MROH7: variants seen among roughly 807,000 people sequenced by gnomAD.
The protein encoded by MROH7 is maestro heat-like repeat-containing protein family member 7.
In MROH7, 113 loss-of-function variants were observed where a neutral mutation model predicts 129.2. The ratio of observed to expected loss-of-function variants is 0.87; its 90% CI spans 0.75 to 1.02. MROH7 has a LOEUF of 1.02. Ranked by LOEUF, MROH7 falls within the 50% of genes least tolerant of loss-of-function variation. The pLI is 0.00. For missense variants in MROH7, 1,601 were observed against 1,671.3 expected (o/e 0.96, Z 0.73); for synonymous variants, 655 against 667.9 (o/e 0.98, Z 0.30).
intron 1 of MROH7, chr1:54,651,546 A>T (rs1039819782): frequency 1.3e-5 from 2 of 152,370 alleles, no homozygotes; most frequent in Non-Finnish European, 2.9e-5. Flanking sequence ...CAAGGGTGGA[A>T]CGGAAAAGGA....
rs372811123 is a variant in MROH7, at chr1:54,702,151, G to A, written c.3347G>A (p.Arg1116Gln). 7.4e-6 allele frequency: 12 copies of A among 1,610,970 alleles called. No individual in the cohort carries two copies. Among genetic ancestry groups the A allele is most frequent in the African/African-American group, 5.4e-5 (4 of 74,692 alleles). Residue 1116 changes from arginine to glutamine, a missense_variant, in exon 20 of 24, where the codon CGG (arginine) becomes CAG (glutamine). Physicochemically the swap from Arg to Gln is conservative, Grantham distance 43 (BLOSUM62 1). Transcript: ENST00000421030. ...TATGGGAAGGTGGTCCAGAAGCTTC[G>A]GGCACCACGCACTCAGGCCATGGAG... ...NLYGKVVQKL[R>Q]APRTQAMEEQ...
intron 15 of MROH7, among the ~76,000 whole-genome samples, chr1:54,692,203 A>C (rs376157041): frequency 6.6e-6 from 1 of 152,206 alleles, no homozygotes; most frequent in Non-Finnish European, 1.5e-5. Context: ...GTAAAAGCAC[A>C]GCCTTCATAG....
At chr1:54,672,134 C>T (rs1644912032) in intron 7 of MROH7, among the ~76,000 whole-genome samples, 1 of 152,034 alleles carries the variant, frequency 6.6e-6, no homozygotes, top group African/African-American at 2.4e-5. Context: ...AGGTGGTGCC[C>T]TTGGAGAAGA....
chr1:54,654,059 G>A lies in MROH7; in HGVS notation c.1133G>A (p.Ser378Asn). 6.2e-7 allele frequency: 1 copy of A among 1,614,214 alleles called. No homozygotes were observed. The highest frequency in any genetic ancestry group is 8.5e-7 in the Non-Finnish European group (1 of 1,180,020). ...VPLEENLESW[S>N]EMASIKVGQF... ...CTGGAGGAGAATCTGGAGAGTTGGA[G>A]TGAGATGGCCAGCATTAAGGTGGGC... The change falls in exon 3 of 24, where the codon AGT (serine) becomes AAT (asparagine). Residue 378 changes from serine to asparagine, a missense_variant. Physicochemically the swap from Ser to Asn is conservative, Grantham distance 46. Transcript: ENST00000421030.
In MROH7 at chr1:54,701,169, C is replaced by G. The variant is rs1065173; in HGVS notation, c.3132C>G (p.Pro1044=). The part of the protein sequence containing the change: ...EKTAKVKALL[P]SMVKGLKNMD... Reference sequence around the variant, plus strand: ...CCGCCAAGGTGAAGGCCCTCCTGCCCTCCATGGTGAAGGGCCTGAAGAACA... The same window carrying G: ...CCGCCAAGGTGAAGGCCCTCCTGCCGTCCATGGTGAAGGGCCTGAAGAACA... Residue 1044 remains proline (P), a synonymous_variant, in exon 19 of 24, where the codon CCC becomes CCG. Coordinates refer to ENST00000421030, the MANE Select transcript of MROH7 (RefSeq NM_001039464.4). The G allele has an allele frequency of 2.5e-6, 4 of 1,613,706 alleles. No individual in the cohort carries two copies. The African/African-American group carries it at 4.0e-5, about 16-fold the overall frequency.
At chr1:54,668,733 C>T (rs1644850494) in intron 4 of MROH7, 121 bp from the exon 5 acceptor site, 1 of 698,028 alleles carries the variant, frequency 1.4e-6, no homozygotes, top group East Asian at 2.6e-5. Flanking sequence ...TCTCATTTCT[C>T]TTGCACCAAT....
chr1:54,688,355 A>G (rs1159213574), intron 15 of MROH7, among the ~76,000 whole-genome samples: 1 of 151,966 alleles, frequency 6.6e-6, no homozygotes, highest in African/African-American at 2.4e-5. Flanking sequence ...TATAGGTGTA[A>G]GCCACCATGT....
intron 14 of MROH7, among the ~76,000 whole-genome samples, chr1:54,683,420 A>C (rs1214921596): frequency 2.0e-5 from 3 of 152,220 alleles, no homozygotes; most frequent in Non-Finnish European, 4.4e-5. Flanking sequence ...GCTGGGCTGA[A>C]GAGACGGATT....
chr1:54,668,722 C>A (rs1046602142), intron 4 of MROH7, 132 bp from the exon 5 acceptor site: 5 of 652,834 alleles, frequency 7.7e-6, no homozygotes, highest in East Asian at 2.7e-5. Flanking sequence ...TTGTGGGGAC[C>A]TCTCATTTCT....
chr1:54,699,816 G>A, intron 17 of MROH7: 1 of 400,844 alleles, frequency 2.5e-6, no homozygotes, highest in South Asian at 7.4e-5. Context: ...AGGGCCCAGG[G>A]AAGGAGGCAG....
intron 3 of MROH7, among the ~76,000 whole-genome samples, chr1:54,658,335 A>C (rs1425463318): frequency 1.3e-5 from 2 of 152,288 alleles, no homozygotes; most frequent in Non-Finnish European, 2.9e-5. Flanking sequence ...ATTGGTCTAT[A>C]TGTCTGTCCT....
chr1:54,685,907 A>G (rs1487767444), intron 14 of MROH7, among the ~76,000 whole-genome samples: 2 of 152,130 alleles, frequency 1.3e-5, no homozygotes, highest in East Asian at 3.9e-4. Flanking sequence ...ACCTTGAGCT[A>G]GCAGCTTCAC....
chr1:54,704,677 C>T (rs1645499691), intron 21 of MROH7, among the ~76,000 whole-genome samples: 1 of 151,876 alleles, frequency 6.6e-6, no homozygotes. Flanking sequence ...AACTCCTGAC[C>T]TCAGGTGATC....
rs771067754 is a variant in MROH7, at chr1:54,653,297, C to G, written c.371C>G (p.Ala124Gly). ...RPDSQGRLCP[A>G]SNPILSPSST... is the part of the protein sequence containing the mutation. ...GACTCACAGGGGCGCCTCTGTCCAGCCTCAAACCCCATTCTGAGCCCTAGC... is the reference window on the plus strand; with the variant it reads ...GACTCACAGGGGCGCCTCTGTCCAGGCTCAAACCCCATTCTGAGCCCTAGC... Residue 124 changes from alanine (A) to glycine (G), a missense_variant, in exon 3 of 24, where the codon GCC becomes GGC. By Grantham distance (60) the Ala-to-Gly change is moderately conservative. Coordinates refer to ENST00000421030, the MANE Select transcript of MROH7 (RefSeq NM_001039464.4). 3.1e-6 allele frequency: 5 copies of G among 1,614,206 alleles called. No homozygotes were observed. The highest frequency in any genetic ancestry group is 4.2e-6 in the Non-Finnish European group (5 of 1,180,028).
intron 6 of MROH7, 106 bp from the exon 7 acceptor site, chr1:54,670,693 CT>C: frequency 9.5e-6 from 13 of 1,367,534 alleles, no homozygotes; most frequent in African/African-American, 2.9e-5. Context: ...CGCCCGGTGC[CT>C]TTTCCCCTCC....
intron 17 of MROH7, chr1:54,697,992 A>G: frequency 3.1e-6 from 1 of 327,170 alleles, no homozygotes; most frequent in Non-Finnish European, 5.6e-6. Flanking sequence ...GCCCAGGTTC[A>G]GTCTTTTCCA....
intron 1 of MROH7, among the ~76,000 whole-genome samples, chr1:54,646,614 A>G (rs1644471152): frequency 6.6e-6 from 1 of 152,214 alleles, no homozygotes; most frequent in South Asian, 2.1e-4. Context: ...AGAAAAGTGA[A>G]TTGACAACCT....
intron 1 of MROH7, among the ~76,000 whole-genome samples, chr1:54,650,230 G>A (rs533091936): frequency 5.9e-5 from 9 of 152,360 alleles, no homozygotes; most frequent in African/African-American, 1.7e-4. Flanking sequence ...GGGAGGACAA[G>A]GGCCAGAGGG....
intron 10 of MROH7, 49 bp from the exon 11 acceptor site, chr1:54,678,693 A>T: frequency 7.3e-7 from 1 of 1,371,082 alleles, no homozygotes; most frequent in Non-Finnish European, 1.0e-6. Flanking sequence ...ATGTATGTTT[A>T]ACAAAAATAG....
Sources: gnomAD v4.1 joint callset for allele counts (sites outside exome capture counted in the v4.1 genomes callset) on GRCh38, gnomAD v4.1.1 for gene constraint, MANE v1.5 for transcripts, NCBI Gene and HGNC (gene_info 2026-07-23, HGNC 2026-07-21) for gene names.